The following CHN1 variants were observed in gnomAD, a reference collection of about 807,000 sequenced individuals.
CHN1 encodes the protein chimerin 1, also known as N-chimaerin.
Under a neutral mutation model 59.5 loss-of-function variants are expected in CHN1, and 37 were observed. The observed-to-expected ratio is 0.62, with a 90% confidence interval of 0.48 to 0.82. CHN1 has a LOEUF of 0.82. CHN1 is among the 40% of genes least tolerant of loss of function. The pLI is 0.00. For missense variants in CHN1, 469 were observed against 571.0 expected (o/e 0.82, Z 1.82); for synonymous variants, 206 against 200.4 (o/e 1.03, Z -0.24).
intron 8 of CHN1, among the ~76,000 whole-genome samples, chr2:174,818,200 TTCTC>T (rs758560305): frequency 6.6e-6 from 1 of 152,224 alleles, no homozygotes; most frequent in Non-Finnish European, 1.5e-5. Context: ...TAAACTGATG[TTCTC>T]TCTTTTATTT....
At chr2:174,878,685 C>T (rs1268506787) in intron 5 of CHN1, among the ~76,000 whole-genome samples, 4 of 152,342 alleles carry the variant, frequency 2.6e-5, no homozygotes, top group Middle Eastern at 3.4e-3. Flanking sequence ...AACACACTTT[C>T]GCTACTTCTG....
rs1475705312 is a variant in CHN1, at chr2:174,938,945, AAAGTT to A, written c.114+5938_114+5942del. ...ATAAATATTTCACAAAATATTGTGA[AAAGTT>A]AATACAATAAATATTTTTTATATTG... is the stretch of plus-strand genomic sequence containing the variant. On this transcript the variant is annotated intron_variant, in intron 3 of 12. Transcript: ENST00000409900. Among the ~76,000 whole-genome samples the A allele has an allele frequency of 3.3e-5, 5 of 152,276 alleles. No homozygotes were observed. In the South Asian group the frequency reaches 8.3e-4, roughly 25 times the overall value.
intron 3 of CHN1, 119 bp downstream of exon 3, chr2:174,944,769 A>C: frequency 1.6e-6 from 1 of 631,714 alleles, no homozygotes; most frequent in Non-Finnish European, 2.8e-6. Context: ...TTATAATTTT[A>C]TCATATCGAT....
rs1692023101 is a variant in CHN1 at position 175,005,119 on chromosome 2, A to C, written c.-207T>G. On this transcript the variant is annotated 5_prime_UTR_variant, in exon 1 of 13. Transcript: ENST00000409900. ...TTATTCACGCGTTATTGTCGGGCGC[A>C]CCGGGCCCAGGGAGCCCCGCTAGCT... is the stretch of plus-strand genomic sequence containing the variant. 4 of 1,318,262 alleles carry C rather than the reference A, an allele frequency of 3.0e-6. No homozygotes were observed. The Admixed American group carries it at 1.1e-4, about 36-fold the overall frequency. 81.7% of individuals were successfully genotyped at this position (1,318,262 alleles called of 1,614,324 possible).
chr2:174,877,197 AAT>A (rs1297004725), intron 6 of CHN1, among the ~76,000 whole-genome samples: 2 of 152,174 alleles, frequency 1.3e-5, no homozygotes, highest in African/African-American at 4.8e-5. Context: ...GTTAACCTGA[AAT>A]ATATCACAAC....
At chr2:174,981,202 T>G in intron 1 of CHN1, among the ~76,000 whole-genome samples, 1 of 152,150 alleles carries the variant, frequency 6.6e-6, no homozygotes, top group Non-Finnish European at 1.5e-5. Context: ...CTTTGTATAT[T>G]TATAAAAATA....
At chr2:174,938,945 A>G (rs1689579748) in intron 3 of CHN1, among the ~76,000 whole-genome samples, 1 of 152,158 alleles carries the variant, frequency 6.6e-6, no homozygotes, top group Non-Finnish European at 1.5e-5. Flanking sequence ...AATATTGTGA[A>G]AAGTTAATAC....
chr2:174,937,571 C>T (rs1689535252), intron 3 of CHN1, among the ~76,000 whole-genome samples: 1 of 152,144 alleles, frequency 6.6e-6, no homozygotes, highest in Non-Finnish European at 1.5e-5. Flanking sequence ...GGAGAAACAA[C>T]ATACAGTGTC....
chr2:174,855,784 A>G lies in CHN1; in HGVS notation c.550-8827T>C, dbSNP rs192764042. Among the ~76,000 whole-genome samples the G allele has an allele frequency of 8.0e-4, 122 of 152,302 alleles. 1 individual carries two copies. The highest frequency in any genetic ancestry group is 3.4e-3 in the Middle Eastern group (1 of 294). Reference sequence around the variant, plus strand: ...TGTATACTTAGACTTAAAGACTTTTAAGAATTGTATACTTTAAAGACTTAA... The same window carrying G: ...TGTATACTTAGACTTAAAGACTTTTGAGAATTGTATACTTTAAAGACTTAA... On this transcript the variant is annotated intron_variant, in intron 6 of 12. Transcript: ENST00000409900.
At position 174,951,489 on chromosome 2, in the gene CHN1, T is replaced by C. The variant is rs148189449; in HGVS notation, c.58+675A>G. 2.3e-3 allele frequency among the ~76,000 whole-genome samples: 344 copies of C among 152,338 alleles called. 1 individual carries two copies. The highest frequency in any genetic ancestry group is 4.1e-3 in the Non-Finnish European group (279 of 68,034). On this transcript the variant is annotated intron_variant, in intron 2 of 12. Coordinates refer to ENST00000409900, the MANE Select transcript of CHN1 (RefSeq NM_001822.7). ...TACAGAAACAACGAACAAGAACTTA[T>C]AGTGCTTTTCCATAATAATGCATTC...
chr2:174,942,728 A>G (rs1050583108), intron 3 of CHN1, among the ~76,000 whole-genome samples: 54 of 152,190 alleles, frequency 3.5e-4, no homozygotes, highest in African/African-American at 1.3e-3. Context: ...CACAATTATT[A>G]TGTGTCAATT....
intron 1 of CHN1, among the ~76,000 whole-genome samples, chr2:174,960,801 G>A (rs986579852): frequency 6.6e-5 from 10 of 151,768 alleles, no homozygotes; most frequent in African/African-American, 1.5e-4. Context: ...TGACCTGGGC[G>A]ACAGAGCGTG....
intron 5 of CHN1, among the ~76,000 whole-genome samples, chr2:174,887,776 C>A (rs995515166): frequency 6.6e-6 from 1 of 152,100 alleles, no homozygotes. Context: ...GAGTCGTAAA[C>A]GGAATGAAAA....
chr2:175,003,136 G>A lies in CHN1; in HGVS notation c.19+1758C>T, dbSNP rs536533849. 5.3e-5 allele frequency among the ~76,000 whole-genome samples: 8 copies of A among 152,308 alleles called. No homozygotes were observed. The South Asian group carries it at 1.7e-3, about 32-fold the overall frequency. On this transcript the variant is annotated intron_variant, in intron 1 of 12. Transcript: ENST00000409900. ...ACATCCCAGATGACTGATGAGTGGTGTACAACCACTTTTAAAAACAGCTGC... is the reference window on the plus strand; with the variant it reads ...ACATCCCAGATGACTGATGAGTGGTATACAACCACTTTTAAAAACAGCTGC...
chr2:174,862,257 GTTTC>G (rs2105454164), intron 6 of CHN1, among the ~76,000 whole-genome samples: 1 of 151,216 alleles, frequency 6.6e-6, no homozygotes, highest in Non-Finnish European at 1.5e-5. Flanking sequence ...GTTGAATAAT[GTTTC>G]TTTGTTGGTT....
intron 1 of CHN1, among the ~76,000 whole-genome samples, chr2:174,993,097 C>G (rs1031751165): frequency 3.9e-5 from 6 of 152,154 alleles, no homozygotes; most frequent in Non-Finnish European, 8.8e-5. Context: ...GCTCCAATCA[C>G]TTGCTAGCTA....
At chr2:174,905,922 T>C (rs764136026) in intron 5 of CHN1, among the ~76,000 whole-genome samples, 7 of 152,204 alleles carry the variant, frequency 4.6e-5, no homozygotes, top group East Asian at 1.9e-4. Context: ...TTTAATGAGA[T>C]AGCACTTCAC....
chr2:174,982,791 A>C (rs1011444128), intron 1 of CHN1, among the ~76,000 whole-genome samples: 2 of 152,208 alleles, frequency 1.3e-5, no homozygotes, highest in Admixed American at 1.3e-4. Context: ...GCAGTTTAAA[A>C]TAAACAGTTA....
intron 5 of CHN1, among the ~76,000 whole-genome samples, chr2:174,885,675 T>C (rs1687875047): frequency 6.6e-6 from 1 of 152,064 alleles, no homozygotes; most frequent in African/African-American, 2.4e-5. Context: ...TTTGCCATGT[T>C]GGCCAGGCTG....
Sources: allele counts gnomAD v4.1 joint callset (sites outside exome capture counted in the v4.1 genomes callset), GRCh38; gene constraint gnomAD v4.1.1; transcripts MANE v1.5; gene names NCBI Gene and HGNC (gene_info 2026-07-23, HGNC 2026-07-21).